Variants in DRD3 observed in about 807,000 individuals in gnomAD.
DRD3 encodes D(3) dopamine receptor.
A neutral mutation model predicts 36.3 loss-of-function variants in DRD3; 19 were observed. That is an observed-to-expected ratio of 0.52 (90% CI 0.36 to 0.77). The LOEUF (loss-of-function observed/expected upper bound fraction) is 0.77. DRD3 is among the 30% of genes least tolerant of loss of function. DRD3 has a pLI of 0.00. For synonymous variants in DRD3, 195 were observed against 203.7 expected, an observed-to-expected ratio of 0.96 and a Z score of 0.36; for missense variants, 465 against 505.3, an observed-to-expected ratio of 0.92 and a Z score of 0.77.
intron 1 of DRD3, among the ~76,000 whole-genome samples, chr3:114,198,769 G>T (rs1249632510): frequency 6.6e-6 from 1 of 151,894 alleles, no homozygotes; most frequent in Non-Finnish European, 1.5e-5. Flanking sequence ...GCAAGGTCTT[G>T]CTCTGTTGCC....
intron 2 of DRD3, 128 bp downstream of exon 2, chr3:114,171,595 A>G: frequency 4.1e-6 from 5 of 1,226,772 alleles, no homozygotes; most frequent in Non-Finnish European, 5.5e-6. Flanking sequence ...TACAGGGAGA[A>G]TGAGAGCTCT....
At chr3:114,146,818 G>A (rs1483332090) in intron 4 of DRD3, among the ~76,000 whole-genome samples, 1 of 151,900 alleles carries the variant, frequency 6.6e-6, no homozygotes, top group African/African-American at 2.4e-5. Flanking sequence ...TTAAAATCCC[G>A]AGCATTTCAG....
chr3:114,144,293 T>C (rs906961559), intron 4 of DRD3, among the ~76,000 whole-genome samples: 2 of 152,218 alleles, frequency 1.3e-5, no homozygotes, highest in Non-Finnish European at 2.9e-5. Flanking sequence ...TGCCAGAAAG[T>C]TCTTTTTTTG....
In DRD3 at chr3:114,171,837, C is replaced by A. The variant is rs763684802; in HGVS notation, c.156G>T (p.Met52Ile). The change falls in exon 2 of 7, where the codon ATG (methionine) becomes ATT (isoleucine). Residue 52 changes from methionine (M) to isoleucine (I), a missense_variant. Transcript: ENST00000383673. ...GCAGGGCCCGCTCCTTCAGCACAGC[C>A]ATGCACACCAGGCCATTGCCGAAGA... ...AIVFGNGLVCMAVLKERALQT... is the reference protein window; with the variant it reads ...AIVFGNGLVCIAVLKERALQT... The A allele has an allele frequency of 6.2e-7, 1 of 1,614,026 alleles. No homozygotes were observed. Among genetic ancestry groups the A allele is most frequent in the Non-Finnish European group, 8.5e-7 (1 of 1,179,956 alleles).
At chr3:114,154,730 A>G (rs1421789687) in intron 3 of DRD3, among the ~76,000 whole-genome samples, 1 of 152,080 alleles carries the variant, frequency 6.6e-6, no homozygotes, top group Non-Finnish European at 1.5e-5. Context: ...AGAGCCACTT[A>G]AAGAACTCCC....
chr3:114,172,253 T>C (rs530632466), intron 1 of DRD3, among the ~76,000 whole-genome samples: 13 of 152,174 alleles, frequency 8.5e-5, no homozygotes, highest in Admixed American at 7.2e-4. Context: ...ATAAACAAGA[T>C]AAATAAAAGA....
intron 4 of DRD3, among the ~76,000 whole-genome samples, chr3:114,140,641 G>C (rs898296516): frequency 1.3e-5 from 2 of 152,226 alleles, no homozygotes; most frequent in African/African-American, 4.8e-5. Flanking sequence ...GAGAGGTTCA[G>C]TAAGTAGCCC....
rs2077875042 is a variant in DRD3, at chr3:114,174,177, T to C, written c.-35-2150A>G. On this transcript the variant is annotated intron_variant, in intron 1 of 6. Transcript: ENST00000383673. ...AGGAGGGCAGCCGCTACCCTGGAGA[T>C]AGCACCGCTGCTGCCAAGAGCTTTT... Among the ~76,000 whole-genome samples the C allele has an allele frequency of 2.0e-5, 3 of 152,348 alleles. No individual in the cohort carries two copies. The South Asian group carries it at 6.2e-4, about 32-fold the overall frequency.
At chr3:114,149,832 G>A (rs183172647) in intron 3 of DRD3, among the ~76,000 whole-genome samples, 87 of 152,298 alleles carry the variant, frequency 5.7e-4, no homozygotes, top group Admixed American at 3.9e-4. Context: ...CCTCAGTCCT[G>A]CAACTGCAAG....
At chr3:114,151,434 G>A (rs1443987540) in intron 3 of DRD3, among the ~76,000 whole-genome samples, 17 of 152,228 alleles carry the variant, frequency 1.1e-4, no homozygotes, top group Middle Eastern at 3.4e-3. Context: ...TTTACAAAAA[G>A]CCCTAATTTG....
intron 5 of DRD3, among the ~76,000 whole-genome samples, chr3:114,133,390 G>A (rs761425674): frequency 2.0e-5 from 3 of 152,098 alleles, no homozygotes; most frequent in Non-Finnish European, 4.4e-5. Flanking sequence ...ATGTGTGAAC[G>A]TAGGTGGGAT....
intron 3 of DRD3, among the ~76,000 whole-genome samples, chr3:114,153,867 C>T (rs567921884): frequency 2.6e-5 from 4 of 152,052 alleles, no homozygotes; most frequent in African/African-American, 4.8e-5. Context: ...TCTGGGTTGT[C>T]GTGAAGGTTA....
intron 1 of DRD3, chr3:114,175,855 A>G (rs914188668): frequency 1.3e-5 from 2 of 152,224 alleles, no homozygotes; most frequent in Non-Finnish European, 2.9e-5. Flanking sequence ...AAAAGAATAG[A>G]GAAGGCAGAG....
intron 1 of DRD3, among the ~76,000 whole-genome samples, chr3:114,177,593 G>T (rs2077912794): frequency 1.3e-5 from 2 of 152,148 alleles, no homozygotes; most frequent in Admixed American, 6.5e-5. Flanking sequence ...ATATTGAGTA[G>T]AAACTGTTCG....
intron 1 of DRD3, among the ~76,000 whole-genome samples, chr3:114,174,331 G>A (rs1027263314): frequency 7.2e-5 from 11 of 152,126 alleles, no homozygotes; most frequent in Admixed American, 4.6e-4. Flanking sequence ...CTTTTCTGGG[G>A]TCTGCAACTG....
At chr3:114,148,742 T>G (rs1241073446) in intron 3 of DRD3, among the ~76,000 whole-genome samples, 1 of 152,184 alleles carries the variant, frequency 6.6e-6, no homozygotes. Context: ...AGATGGAATC[T>G]CAGTCTGTCG....
rs151075696 is a variant in DRD3 at position 114,140,803 on chromosome 3, C to T, written c.527-1107G>A. On this transcript the variant is annotated intron_variant, in intron 4 of 6. Transcript: ENST00000383673. ...TGTGAGCAACAACTGTTGGTACACC[C>T]GGCCAGTCTTCATAAAGGGTTGGGG... Among the ~76,000 whole-genome samples the T allele has an allele frequency of 5.9e-4, 90 of 152,280 alleles. 1 individual carries two copies. In the East Asian group the frequency reaches 0.015, roughly 26 times the overall value.
intron 1 of DRD3, among the ~76,000 whole-genome samples, chr3:114,198,412 C>T (rs911826069): frequency 6.6e-6 from 1 of 151,834 alleles, no homozygotes; most frequent in African/African-American, 2.4e-5. Context: ...GCTGGGATTA[C>T]AGGTGTGAGC....
At chr3:114,190,437 TATATATATATATATATATATATATA>T (rs1292319582) in intron 1 of DRD3, among the ~76,000 whole-genome samples, 360 of 10,662 alleles carry the variant, frequency 0.034, 8 homozygotes, top group African/African-American at 0.12. Context: ...TATATATATA[TATATATATATATATATATATATATA>T]TTTTTTTTTT....
Sources: allele counts gnomAD v4.1 joint callset (sites outside exome capture counted in the v4.1 genomes callset), GRCh38; gene constraint gnomAD v4.1.1; transcripts MANE v1.5; gene names NCBI Gene and HGNC (gene_info 2026-07-23, HGNC 2026-07-21).